The following ITCH variants were observed in gnomAD, a reference collection of about 807,000 sequenced individuals.
ITCH encodes the protein itchy E3 ubiquitin protein ligase.
ITCH carries 28 observed loss-of-function variants against 126.8 expected under a neutral mutation model. The observed-to-expected ratio is 0.22, with a 90% confidence interval of 0.16 to 0.30. The LOEUF (loss-of-function observed/expected upper bound fraction) is 0.30. Among genes scored for constraint, ITCH ranks in the 10% least tolerant of loss-of-function variants. ITCH has a pLI of 1.00. For synonymous variants in ITCH, 342 were observed against 340.0 expected (o/e 1.01, Z -0.06); for missense variants, 631 against 1,032.4 (o/e 0.61, Z 5.33).
intron 10 of ITCH, among the ~76,000 whole-genome samples, chr20:34,444,046 A>C (rs1252428633): frequency 6.6e-6 from 1 of 152,180 alleles, no homozygotes; most frequent in Non-Finnish European, 1.5e-5. Context: ...TCTCTGTGAA[A>C]TTTATCCTAA....
At chr20:34,444,548 A>G (rs1376782328) in intron 10 of ITCH, among the ~76,000 whole-genome samples, 1 of 151,924 alleles carries the variant, frequency 6.6e-6, no homozygotes, top group African/African-American at 2.4e-5. Flanking sequence ...GCGCCATTGC[A>G]CTCCATCCAG....
intron 22 of ITCH, among the ~76,000 whole-genome samples, chr20:34,490,785 A>G (rs1989454978): frequency 1.3e-5 from 2 of 152,226 alleles, no homozygotes. Context: ...TGGTTCCTCA[A>G]AATTTAAGCA....
At chr20:34,456,214 ATTTTTT>A (rs1174099069) in intron 12 of ITCH, among the ~76,000 whole-genome samples, 1 of 17,710 alleles carries the variant, frequency 5.6e-5, no homozygotes, top group African/African-American at 2.1e-4. Context: ...ATATATATAT[ATTTTTT>A]TTTTTTTTTT....
intron 22 of ITCH, 94 bp from the exon 23 acceptor site, chr20:34,492,407 A>T (rs1245900615): frequency 2.2e-6 from 2 of 895,570 alleles, no homozygotes; most frequent in Non-Finnish European, 3.5e-6. Flanking sequence ...CCTCTAAAAA[A>T]AATAAAAGAT....
intron 3 of ITCH, among the ~76,000 whole-genome samples, chr20:34,396,718 T>C (rs73255069): frequency 0.022 from 3,311 of 152,230 alleles, 90 homozygotes; most frequent in African/African-American, 0.06. Context: ...GCTAATGATA[T>C]TGTCTTTTCA....
intron 17 of ITCH, among the ~76,000 whole-genome samples, chr20:34,478,379 A>C (rs184155812): frequency 1.2e-4 from 19 of 152,358 alleles, no homozygotes; most frequent in African/African-American, 4.3e-4. Flanking sequence ...TAGGAGTTGA[A>C]AGTCTTAATT....
chr20:34,415,617 A>G (rs898137171), intron 6 of ITCH, among the ~76,000 whole-genome samples: 1 of 152,100 alleles, frequency 6.6e-6, no homozygotes, highest in Non-Finnish European at 1.5e-5. Context: ...GGGGCTAGTG[A>G]GGATGGAAAG....
At chr20:34,401,668 C>A in intron 3 of ITCH, 1 of 965,708 alleles carries the variant, frequency 1.0e-6, no homozygotes, top group Non-Finnish European at 1.2e-6. Flanking sequence ...ACTGTGGAAT[C>A]AATCGGTCCT....
intron 2 of ITCH, among the ~76,000 whole-genome samples, chr20:34,381,259 A>C (rs1284598911): frequency 1.3e-5 from 2 of 151,414 alleles, no homozygotes; most frequent in Non-Finnish European, 2.9e-5. Flanking sequence ...AACTATCTGG[A>C]CGTGGTGGTG....
intron 2 of ITCH, among the ~76,000 whole-genome samples, chr20:34,377,032 G>A (rs940610380): frequency 6.6e-6 from 1 of 152,072 alleles, no homozygotes; most frequent in South Asian, 2.1e-4. Context: ...CTTGTTGATG[G>A]ATTACATACG....
chr20:34,398,102 G>C (rs924813948), intron 3 of ITCH, among the ~76,000 whole-genome samples: 2 of 151,010 alleles, frequency 1.3e-5, no homozygotes, highest in African/African-American at 4.9e-5. Context: ...TCACCCTGTC[G>C]TCCAGGCTGG....
At chr20:34,371,294 T>C (rs979782241) in intron 2 of ITCH, among the ~76,000 whole-genome samples, 4 of 147,442 alleles carry the variant, frequency 2.7e-5, no homozygotes, top group African/African-American at 1.0e-4. Context: ...TTTTTTTTTT[T>C]TTTTTTTTGA....
intron 2 of ITCH, among the ~76,000 whole-genome samples, chr20:34,376,179 C>T (rs1286999360): frequency 6.6e-6 from 1 of 151,948 alleles, no homozygotes; most frequent in Non-Finnish European, 1.5e-5. Flanking sequence ...GCAGCATAAC[C>T]CATGTTTTCT....
intron 7 of ITCH, among the ~76,000 whole-genome samples, chr20:34,437,999 C>T (rs1182147670): frequency 6.6e-6 from 1 of 152,184 alleles, no homozygotes; most frequent in Non-Finnish European, 1.5e-5. Context: ...GATATCAGGG[C>T]CTAGTCCCTG....
intron 7 of ITCH, among the ~76,000 whole-genome samples, chr20:34,426,675 T>C (rs996310080): frequency 4.6e-5 from 7 of 152,152 alleles, no homozygotes; most frequent in African/African-American, 1.7e-4. Flanking sequence ...GGTCTTGAAC[T>C]CCTGATCTCA....
At chr20:34,402,516 T>G in intron 3 of ITCH, 2 of 750,830 alleles carry the variant, frequency 2.7e-6, no homozygotes, top group Non-Finnish European at 5.0e-6. Context: ...TCAGCAGTCA[T>G]AATCCCTCAT....
intron 2 of ITCH, among the ~76,000 whole-genome samples, chr20:34,387,970 T>C (rs2038350512): frequency 6.6e-6 from 1 of 152,188 alleles, no homozygotes; most frequent in South Asian, 2.1e-4. Flanking sequence ...CCCAAAGTGC[T>C]GGGATTACAG....
chr20:34,392,455 A>G (rs140389418), intron 2 of ITCH, among the ~76,000 whole-genome samples: 69 of 152,352 alleles, frequency 4.5e-4, no homozygotes, highest in African/African-American at 1.6e-3. Context: ...TAAGCACAGA[A>G]TGAAGTAGGT....
In ITCH at chr20:34,422,258, A is replaced by G. The variant is rs1980878502; in HGVS notation, c.476-2222A>G. Among the ~76,000 whole-genome samples the G allele has an allele frequency of 2.0e-5, 3 of 152,336 alleles. No individual in the cohort carries two copies. In the South Asian group the frequency reaches 6.2e-4, roughly 32 times the overall value. ...AGGTCACAAAGTACATGATAAAGCT[A>G]GGATACAAACCTAGGCAGTCTGCCC... On this transcript the variant is annotated intron_variant, in intron 6 of 24. Coordinates refer to ENST00000374864, the MANE Select transcript of ITCH (RefSeq NM_031483.7).
Sources: gnomAD v4.1 joint callset for allele counts (sites outside exome capture counted in the v4.1 genomes callset) on GRCh38, gnomAD v4.1.1 for gene constraint, MANE v1.5 for transcripts, NCBI Gene and HGNC (gene_info 2026-07-23, HGNC 2026-07-21) for gene names.